The following PXDNL variants were observed in gnomAD, a reference collection of about 807,000 sequenced individuals.
The protein encoded by PXDNL is probable oxidoreductase PXDNL.
A neutral mutation model predicts 150.8 loss-of-function variants in PXDNL; 145 were observed. The observed-to-expected ratio is 0.96, with a 90% CI of 0.84 to 1.10. PXDNL has a LOEUF of 1.10. Ranked by LOEUF, PXDNL falls within the 50% of genes least tolerant of loss-of-function variation. The pLI is 0.00. For missense variants in PXDNL, 2,087 were observed against 1,873.9 expected (o/e 1.11, Z -2.10); for synonymous variants, 757 against 725.7 (o/e 1.04, Z -0.69).
intron 17 of PXDNL, among the ~76,000 whole-genome samples, chr8:51,375,136 C>A (rs1362910093): frequency 2.6e-5 from 4 of 152,182 alleles, no homozygotes; most frequent in African/African-American, 9.7e-5. Context: ...GAAATGTCCA[C>A]ATCAGTGTAT....
intron 4 of PXDNL, among the ~76,000 whole-genome samples, chr8:51,531,345 G>A (rs1811900484): frequency 6.6e-6 from 1 of 152,142 alleles, no homozygotes; most frequent in Non-Finnish European, 1.5e-5. Flanking sequence ...TTGCTTGCTT[G>A]GCTCTTATTA....
intron 4 of PXDNL, among the ~76,000 whole-genome samples, chr8:51,542,202 G>T (rs1405055651): frequency 6.6e-6 from 1 of 151,144 alleles, no homozygotes; most frequent in Non-Finnish European, 1.5e-5. Context: ...ACACTCAAGG[G>T]CAGTCCATGA....
intron 1 of PXDNL, among the ~76,000 whole-genome samples, chr8:51,792,406 A>G (rs944566187): frequency 6.6e-6 from 1 of 152,202 alleles, no homozygotes; most frequent in African/African-American, 2.4e-5. Flanking sequence ...CGCTTTTTCC[A>G]CTGATCTATG....
intron 1 of PXDNL, among the ~76,000 whole-genome samples, chr8:51,690,682 C>A (rs1815975001): frequency 6.6e-6 from 1 of 151,988 alleles, no homozygotes; most frequent in South Asian, 2.1e-4. Context: ...TGGGTATATA[C>A]CCAGTAATGG....
intron 21 of PXDNL, among the ~76,000 whole-genome samples, chr8:51,325,489 C>A (rs142010072): frequency 6.6e-6 from 1 of 152,176 alleles, no homozygotes; most frequent in Non-Finnish European, 1.5e-5. Context: ...CCCTGTCAGG[C>A]CACCTCATAA....
At chr8:51,472,646 G>T (rs1434648807) in intron 7 of PXDNL, among the ~76,000 whole-genome samples, 1 of 152,142 alleles carries the variant, frequency 6.6e-6, no homozygotes, top group African/African-American at 2.4e-5. Flanking sequence ...AACTGAGCTT[G>T]CAGTTTTGCA....
chr8:51,439,824 C>CAAA (rs36102488), intron 12 of PXDNL, among the ~76,000 whole-genome samples: 13 of 101,446 alleles, frequency 1.3e-4, no homozygotes, highest in East Asian at 6.1e-4. Flanking sequence ...GACTCCATCT[C>CAAA]AAAAAAAAAA....
chr8:51,798,392 C>G (rs13257720), intron 1 of PXDNL, among the ~76,000 whole-genome samples: 104,469 of 152,058 alleles, frequency 0.69, 42,355 homozygotes, highest in Non-Finnish European at 0.9. Context: ...TCAGAGTGAA[C>G]AGACAACATA....
intron 17 of PXDNL, among the ~76,000 whole-genome samples, 168 bp downstream of exon 17, chr8:51,407,899 T>C (rs1808480034): frequency 1.3e-5 from 2 of 152,176 alleles, no homozygotes; most frequent in South Asian, 4.1e-4. Context: ...AAGGGGGATT[T>C]CGGTTTCTGG....
At chr8:51,403,302 A>C (rs1808325467) in intron 17 of PXDNL, among the ~76,000 whole-genome samples, 1 of 152,152 alleles carries the variant, frequency 6.6e-6, no homozygotes, top group Non-Finnish European at 1.5e-5. Flanking sequence ...ATATTTGTAC[A>C]TGTCACAAAT....
At chr8:51,719,813 T>A (rs976744782) in intron 1 of PXDNL, among the ~76,000 whole-genome samples, 1 of 152,008 alleles carries the variant, frequency 6.6e-6, no homozygotes, top group Non-Finnish European at 1.5e-5. Context: ...TTCCAGAGTA[T>A]CATATGTTTC....
intron 2 of PXDNL, among the ~76,000 whole-genome samples, chr8:51,636,757 A>C (rs1291701808): frequency 1.3e-5 from 2 of 152,186 alleles, no homozygotes; most frequent in Non-Finnish European, 2.9e-5. Context: ...CAACTACCAA[A>C]GTGATACACA....
At chr8:51,321,802 T>C (rs1805323185) in intron 21 of PXDNL, among the ~76,000 whole-genome samples, 1 of 152,088 alleles carries the variant, frequency 6.6e-6, no homozygotes, top group African/African-American at 2.4e-5. Flanking sequence ...TTTATAGCAG[T>C]GTGAGAATGA....
rs1460071536 is a variant in PXDNL, at chr8:51,589,223, C to G, written c.308+3404G>C. ...AATAAACTTTTCTTTATAAATTTCCCAGTCTGTAGTGTTCTCTCACAGTAG... is the reference window on the plus strand; with the variant it reads ...AATAAACTTTTCTTTATAAATTTCCGAGTCTGTAGTGTTCTCTCACAGTAG... On this transcript the variant is annotated intron_variant, in intron 3 of 22. Transcript: ENST00000356297. Among the ~76,000 whole-genome samples the G allele has an allele frequency of 4.6e-5, 7 of 152,284 alleles. No homozygotes were observed. In the East Asian group the frequency reaches 1.4e-3, roughly 29 times the overall value.
At chr8:51,789,845 C>T (rs1480620905) in intron 1 of PXDNL, among the ~76,000 whole-genome samples, 1 of 152,032 alleles carries the variant, frequency 6.6e-6, no homozygotes, top group East Asian at 1.9e-4. Context: ...TTAAAGGGAA[C>T]TTGTGTTACT....
chr8:51,579,744 G>A (rs1346843346), intron 3 of PXDNL, among the ~76,000 whole-genome samples: 7 of 151,964 alleles, frequency 4.6e-5, no homozygotes, highest in African/African-American at 7.2e-5. Flanking sequence ...ATAGGTGAAC[G>A]GTTAAACAAA....
chr8:51,391,998 C>A (rs1207596901), intron 17 of PXDNL, among the ~76,000 whole-genome samples: 1 of 152,180 alleles, frequency 6.6e-6, no homozygotes, highest in East Asian at 1.9e-4. Context: ...AATAGGGAAT[C>A]CTTTCCCCAT....
chr8:51,334,117 A>AAT (rs1805771740), intron 21 of PXDNL, among the ~76,000 whole-genome samples: 1 of 92,676 alleles, frequency 1.1e-5, no homozygotes, highest in South Asian at 3.1e-4. Flanking sequence ...CATATCAAGC[A>AAT]TTCTCGCAGA....
intron 1 of PXDNL, among the ~76,000 whole-genome samples, chr8:51,689,490 T>A (rs1052642713): frequency 6.6e-6 from 1 of 152,154 alleles, no homozygotes; most frequent in Admixed American, 6.5e-5. Flanking sequence ...GGGGAAGTGG[T>A]TGGTTATCTC....
Sources: gnomAD v4.1 joint callset for allele counts (sites outside exome capture counted in the v4.1 genomes callset) on GRCh38, gnomAD v4.1.1 for gene constraint, MANE v1.5 for transcripts, NCBI Gene and HGNC (gene_info 2026-07-23, HGNC 2026-07-21) for gene names.